AGBL4: variants seen among roughly 807,000 people sequenced by gnomAD.
AGBL4 encodes the protein cytosolic carboxypeptidase 6.
A neutral mutation model predicts 66.4 loss-of-function variants in AGBL4; 58 were observed. The observed-to-expected ratio is 0.87, with a 90% confidence interval of 0.71 to 1.09. The LOEUF (loss-of-function observed/expected upper bound fraction) is 1.09, where lower values mean the gene tolerates loss of function less well. Among genes scored for constraint, AGBL4 ranks in the 50% least tolerant of loss-of-function variants. The pLI is 0.00. For synonymous variants in AGBL4, 234 were observed against 222.9 expected (o/e 1.05, Z -0.44); for missense variants, 579 against 631.0 (o/e 0.92, Z 0.88).
At chr1:49,208,151 G>A (rs1450929848) in intron 4 of AGBL4, among the ~76,000 whole-genome samples, 1 of 152,014 alleles carries the variant, frequency 6.6e-6, no homozygotes, top group African/African-American at 2.4e-5. Flanking sequence ...TTTTACAGAT[G>A]AGGAAACTGA....
chr1:49,463,396 T>C (rs1439294896), intron 3 of AGBL4, among the ~76,000 whole-genome samples: 1 of 151,768 alleles, frequency 6.6e-6, no homozygotes. Context: ...GATAAATTTA[T>C]GACCGACCAC....
chr1:49,680,572 T>G (rs1646673558), intron 3 of AGBL4, among the ~76,000 whole-genome samples: 1 of 152,270 alleles, frequency 6.6e-6, no homozygotes, highest in Non-Finnish European at 1.5e-5. Flanking sequence ...CCATGATCTC[T>G]TATTATAAAG....
At chr1:49,677,207 A>G (rs574505225) in intron 3 of AGBL4, among the ~76,000 whole-genome samples, 1 of 152,192 alleles carries the variant, frequency 6.6e-6, no homozygotes, top group African/African-American at 2.4e-5. Flanking sequence ...AAGGAGAAGA[A>G]CTACATCTTT....
intron 3 of AGBL4, among the ~76,000 whole-genome samples, chr1:49,667,982 T>C (rs917894309): frequency 1.3e-5 from 2 of 152,166 alleles, no homozygotes; most frequent in African/African-American, 4.8e-5. Context: ...TGGTAATTAA[T>C]GTGTTGTGAA....
chr1:49,686,485 C>T (rs1235671547), intron 3 of AGBL4, among the ~76,000 whole-genome samples: 1 of 152,170 alleles, frequency 6.6e-6, no homozygotes, highest in African/African-American at 2.4e-5. Flanking sequence ...ATAATCAAAG[C>T]CAATTCATAA....
chr1:48,890,991 A>C (rs958060153), intron 5 of AGBL4, among the ~76,000 whole-genome samples: 1 of 152,172 alleles, frequency 6.6e-6, no homozygotes, highest in African/African-American at 2.4e-5. Flanking sequence ...GATCGTGGCG[A>C]AGTGTAGTGT....
chr1:49,463,921 C>G (rs1226732277), intron 3 of AGBL4, among the ~76,000 whole-genome samples: 1 of 151,768 alleles, frequency 6.6e-6, no homozygotes, highest in Non-Finnish European at 1.5e-5. Context: ...ACTATAACTT[C>G]CTGAGGGCAG....
At chr1:49,330,158 T>A in intron 3 of AGBL4, among the ~76,000 whole-genome samples, 1 of 152,250 alleles carries the variant, frequency 6.6e-6, no homozygotes, top group East Asian at 1.9e-4. Flanking sequence ...GCTTCGCACC[T>A]GTAATCCCAG....
intron 3 of AGBL4, among the ~76,000 whole-genome samples, chr1:49,678,355 A>G (rs2124550865): frequency 6.6e-6 from 1 of 152,090 alleles, no homozygotes. Context: ...TTGTGTTTTC[A>G]TCAGCCATAC....
chr1:48,807,579 G>A (rs183280757), intron 6 of AGBL4, among the ~76,000 whole-genome samples: 1 of 152,270 alleles, frequency 6.6e-6, no homozygotes. Context: ...TCTGCTTTGG[G>A]CCAACTATTC....
intron 2 of AGBL4, among the ~76,000 whole-genome samples, chr1:49,822,310 C>CGT (rs143957066): frequency 0.26 from 38,126 of 145,716 alleles, 4,799 homozygotes; most frequent in East Asian, 0.4. Context: ...CTTCTTTCTT[C>CGT]GTGTGTGTGT....
At chr1:49,970,083 T>C (rs978256713) in intron 1 of AGBL4, among the ~76,000 whole-genome samples, 5 of 152,144 alleles carry the variant, frequency 3.3e-5, no homozygotes, top group African/African-American at 9.7e-5. Flanking sequence ...TCTTACACCA[T>C]ACACAAAAAT....
intron 11 of AGBL4, among the ~76,000 whole-genome samples, chr1:48,581,496 A>T (rs17104537): frequency 0.18 from 27,358 of 152,170 alleles, 3,004 homozygotes; most frequent in African/African-American, 0.3. Flanking sequence ...AACCAGACTA[A>T]AAACAAATGC....
chr1:48,941,141 G>C (rs1280529890), intron 5 of AGBL4, among the ~76,000 whole-genome samples: 1 of 152,210 alleles, frequency 6.6e-6, no homozygotes, highest in African/African-American at 2.4e-5. Context: ...GAACATCAGA[G>C]GGCAGTGGTG....
At chr1:49,137,125 A>AT (rs1186246567) in intron 4 of AGBL4, among the ~76,000 whole-genome samples, 10 of 152,184 alleles carry the variant, frequency 6.6e-5, no homozygotes, top group African/African-American at 2.2e-4. Context: ...TTTTCATTTC[A>AT]TTTTTTCCTA....
intron 6 of AGBL4, among the ~76,000 whole-genome samples, chr1:48,693,960 C>T (rs1346197055): frequency 3.3e-5 from 5 of 151,056 alleles, no homozygotes; most frequent in African/African-American, 1.2e-4. Context: ...GGGCTATACT[C>T]AACCAACCCC....
intron 2 of AGBL4, among the ~76,000 whole-genome samples, chr1:49,706,155 T>C (rs1465384386): frequency 6.6e-6 from 1 of 152,206 alleles, no homozygotes; most frequent in Non-Finnish European, 1.5e-5. Context: ...CTGGTGGAAT[T>C]CGGCTGTGAA....
chr1:49,428,204 A>G (rs1250765541), intron 3 of AGBL4, among the ~76,000 whole-genome samples: 1 of 152,206 alleles, frequency 6.6e-6, no homozygotes, highest in Non-Finnish European at 1.5e-5. Context: ...AAAAAATATC[A>G]GGAAGCTTGC....
chr1:49,466,692 T>G (rs527813581), intron 3 of AGBL4, among the ~76,000 whole-genome samples: 1 of 151,894 alleles, frequency 6.6e-6, no homozygotes, highest in East Asian at 1.9e-4. Flanking sequence ...TCCTTCTTAC[T>G]CTGAAAACCA....
Sources: allele counts gnomAD v4.1 joint callset (sites outside exome capture counted in the v4.1 genomes callset), GRCh38; gene constraint gnomAD v4.1.1; transcripts MANE v1.5; gene names NCBI Gene and HGNC (gene_info 2026-07-23, HGNC 2026-07-21).